CTNNA3: variants seen among roughly 807,000 people sequenced by gnomAD.
CTNNA3 encodes catenin alpha 3.
Under a neutral mutation model 95.7 loss-of-function variants are expected in CTNNA3, and 76 were observed. The observed-to-expected ratio is 0.79, with a 90% CI of 0.66 to 0.96. CTNNA3 has a LOEUF of 0.96. Ranked by LOEUF, CTNNA3 falls within the 40% of genes least tolerant of loss-of-function variation. CTNNA3 has a pLI of 0.00. For synonymous variants in CTNNA3, 431 were observed against 374.4 expected, an observed-to-expected ratio of 1.15 and a Z score of -1.74; for missense variants, 1,191 against 1,089.8, an observed-to-expected ratio of 1.09 and a Z score of -1.31.
chr10:66,562,699 G>T (rs974111015), intron 10 of CTNNA3, among the ~76,000 whole-genome samples: 1 of 151,946 alleles, frequency 6.6e-6, no homozygotes, highest in East Asian at 1.9e-4. Context: ...AATATGTACA[G>T]ATCAAAGGTA....
intron 13 of CTNNA3, among the ~76,000 whole-genome samples, chr10:66,280,242 G>A (rs766772437): frequency 4.6e-5 from 7 of 151,928 alleles, no homozygotes; most frequent in Non-Finnish European, 7.4e-5. Context: ...TTCTGCACAC[G>A]CAGCAGTAAA....
chr10:67,085,845 A>G (rs889840361), intron 7 of CTNNA3, among the ~76,000 whole-genome samples: 1 of 152,040 alleles, frequency 6.6e-6, no homozygotes, highest in African/African-American at 2.4e-5. Flanking sequence ...ATCTAGAGAG[A>G]TAGATTATGT....
At chr10:66,679,824 C>T (rs946976867) in intron 9 of CTNNA3, among the ~76,000 whole-genome samples, 5 of 152,168 alleles carry the variant, frequency 3.3e-5, no homozygotes, top group African/African-American at 1.2e-4. Context: ...CACACTCTGA[C>T]ACTACACTTT....
rs143745431 is a variant in CTNNA3, at chr10:65,968,808, A to C, written c.2266-2062T>G. On this transcript the variant is annotated intron_variant, in intron 16 of 17. Coordinates refer to ENST00000433211, the MANE Select transcript of CTNNA3 (RefSeq NM_013266.4). ...TCTGTGTGTAGAGAATTTGAGGACA[A>C]GAAAGCTTCCCAGCTCCATATCTAG... Among the ~76,000 whole-genome samples, 25 of 152,266 alleles carry C rather than the reference A, an allele frequency of 1.6e-4. No homozygotes were observed. The East Asian group carries it at 4.6e-3, about 28-fold the overall frequency.
chr10:66,636,085 G>T (rs1303519462), intron 9 of CTNNA3, among the ~76,000 whole-genome samples: 1 of 151,256 alleles, frequency 6.6e-6, no homozygotes, highest in Non-Finnish European at 1.5e-5. Context: ...TGAAGTCCGA[G>T]CAAAATTTAC....
intron 5 of CTNNA3, among the ~76,000 whole-genome samples, chr10:67,401,665 C>T (rs1380698006): frequency 2.0e-5 from 3 of 152,110 alleles, no homozygotes; most frequent in Non-Finnish European, 4.4e-5. Flanking sequence ...GATGTGGCTC[C>T]CCCAAGCAGA....
chr10:66,481,654 G>A (rs10997168), intron 11 of CTNNA3, among the ~76,000 whole-genome samples: 50,444 of 141,038 alleles, frequency 0.36, 10,620 homozygotes, highest in Non-Finnish European at 0.44. Flanking sequence ...TGTATTTTTA[G>A]TAGAGACGGG....
chr10:67,641,102 G>A (rs368689447), intron 2 of CTNNA3, among the ~76,000 whole-genome samples: 32 of 151,942 alleles, frequency 2.1e-4, no homozygotes, highest in Non-Finnish European at 3.7e-4. Flanking sequence ...TTGCAATCTA[G>A]TCATCTGACA....
chr10:66,368,263 A>ACTCAGTGT, intron 12 of CTNNA3, among the ~76,000 whole-genome samples: 1 of 151,972 alleles, frequency 6.6e-6, no homozygotes, highest in East Asian at 1.9e-4. Flanking sequence ...GCCTTGCAGA[A>ACTCAGTGT]CTCAGTGTTG....
At chr10:66,171,834 A>G (rs1308205137) in intron 13 of CTNNA3, among the ~76,000 whole-genome samples, 2 of 152,144 alleles carry the variant, frequency 1.3e-5, no homozygotes, top group East Asian at 1.9e-4. Flanking sequence ...AGTACAATTA[A>G]ACCATGAAAT....
At chr10:67,756,623 T>C (rs1352689059) in intron 1 of CTNNA3, among the ~76,000 whole-genome samples, 1 of 152,096 alleles carries the variant, frequency 6.6e-6, no homozygotes, top group African/African-American at 2.4e-5. Flanking sequence ...TTACATAAAA[T>C]GTAATAGGCA....
intron 7 of CTNNA3, among the ~76,000 whole-genome samples, chr10:67,023,800 T>C (rs1853180759): frequency 6.6e-6 from 1 of 152,208 alleles, no homozygotes; most frequent in African/African-American, 2.4e-5. Flanking sequence ...CAAGAAAGCA[T>C]GTAAGACTGC....
At chr10:66,665,059 A>T (rs1292826408) in intron 9 of CTNNA3, among the ~76,000 whole-genome samples, 1 of 152,158 alleles carries the variant, frequency 6.6e-6, no homozygotes, top group African/African-American at 2.4e-5. Flanking sequence ...TCTGTATAAC[A>T]AGTAAGAAAA....
intron 7 of CTNNA3, among the ~76,000 whole-genome samples, chr10:66,861,450 C>A (rs545364044): frequency 1.3e-5 from 2 of 152,200 alleles, no homozygotes; most frequent in South Asian, 4.2e-4. Flanking sequence ...TGTGAGTGAG[C>A]CCTGCATGTA....
intron 7 of CTNNA3, among the ~76,000 whole-genome samples, chr10:66,786,858 A>T (rs756398399): frequency 1.3e-5 from 2 of 152,124 alleles, no homozygotes; most frequent in Admixed American, 6.6e-5. Flanking sequence ...GTGGTGTTCA[A>T]GTCAGTTAAG....
intron 11 of CTNNA3, among the ~76,000 whole-genome samples, chr10:66,446,130 G>A (rs535233523): frequency 6.6e-6 from 1 of 152,274 alleles, no homozygotes; most frequent in African/African-American, 2.4e-5. Flanking sequence ...CCAGGAAAAA[G>A]TTGAATCTCT....
intron 15 of CTNNA3, among the ~76,000 whole-genome samples, chr10:66,011,450 A>G (rs1400645336): frequency 3.3e-5 from 5 of 152,152 alleles, no homozygotes; most frequent in Admixed American, 6.6e-5. Flanking sequence ...GTTTCACAGA[A>G]GTTTTAATGC....
At chr10:66,466,994 A>G (rs1253018296) in intron 11 of CTNNA3, among the ~76,000 whole-genome samples, 1 of 152,018 alleles carries the variant, frequency 6.6e-6, no homozygotes, top group African/African-American at 2.4e-5. Context: ...AATGGCAGGG[A>G]TTCTAATCTC....
intron 13 of CTNNA3, among the ~76,000 whole-genome samples, chr10:66,216,648 T>C (rs2088558647): frequency 6.6e-6 from 1 of 152,102 alleles, no homozygotes; most frequent in Admixed American, 6.6e-5. Context: ...GGTAACAGAG[T>C]TGGGATGTAA....
Sources: allele counts gnomAD v4.1 joint callset (sites outside exome capture counted in the v4.1 genomes callset), GRCh38; gene constraint gnomAD v4.1.1; transcripts MANE v1.5; gene names NCBI Gene and HGNC (gene_info 2026-07-23, HGNC 2026-07-21).